Variants in TG observed in about 807,000 individuals in gnomAD.
TG encodes thyroid hormones.
Under a neutral mutation model 324.7 loss-of-function variants are expected in TG, and 270 were observed. That is an observed-to-expected ratio of 0.83 (90% CI 0.75 to 0.92). The LOEUF (loss-of-function observed/expected upper bound fraction) is 0.92, where lower values mean the gene tolerates loss of function less well. Among genes scored for constraint, TG ranks in the 40% least tolerant of loss-of-function variants. TG has a pLI of 0.00. For missense variants in TG, 3,591 were observed against 3,456.4 expected (o/e 1.04, Z -0.98); for synonymous variants, 1,401 against 1,327.0 (o/e 1.06, Z -1.21).
intron 43 of TG, among the ~76,000 whole-genome samples, chr8:133,108,245 C>T (rs1849989185): frequency 6.6e-6 from 1 of 151,964 alleles, no homozygotes; most frequent in Non-Finnish European, 1.5e-5. Context: ...CTCAGCCTCC[C>T]AAAGTGCTAG....
intron 35 of TG, among the ~76,000 whole-genome samples, chr8:132,986,369 AGTATATATATG>A (rs1167124546): frequency 8.0e-5 from 8 of 99,672 alleles, no homozygotes; most frequent in African/African-American, 2.4e-4. Context: ...GTGTATATAT[AGTATATATATG>A]TGTGTATATA....
At chr8:133,086,617 T>C (rs1846604839) in intron 41 of TG, among the ~76,000 whole-genome samples, 1 of 152,246 alleles carries the variant, frequency 6.6e-6, no homozygotes, top group African/African-American at 2.4e-5. Flanking sequence ...GATATGTGAA[T>C]AGATTTAGTT....
At chr8:133,069,891 C>T (rs901680018) in intron 41 of TG, among the ~76,000 whole-genome samples, 2 of 149,824 alleles carry the variant, frequency 1.3e-5, no homozygotes, top group African/African-American at 2.5e-5. Flanking sequence ...ATCCCAGCTA[C>T]TTGGGAGGCT....
At position 132,888,146 on chromosome 8, in the gene TG, A is replaced by C; in HGVS notation, c.2339A>C (p.Gln780Pro). The C allele has an allele frequency of 6.2e-7, 1 of 1,614,132 alleles. No individual in the cohort carries two copies. The highest frequency in any genetic ancestry group is 8.5e-7 in the Non-Finnish European group (1 of 1,180,002). The change falls in exon 10 of 48, where the codon CAG (glutamine) becomes CCG (proline). Residue 780 changes from glutamine to proline, a missense_variant. Gln to Pro is a moderately conservative substitution (Grantham distance 76). Transcript: ENST00000220616. ...RQVQCNGPPE[Q>P]VFELYQRWEA... is the part of the protein sequence containing the mutation. Reference sequence around the variant, plus strand: ...GTGCAATGCAATGGGCCTCCTGAGCAGGTCTTCGAGTTGTACCAACGATGG... The same window carrying C: ...GTGCAATGCAATGGGCCTCCTGAGCCGGTCTTCGAGTTGTACCAACGATGG...
chr8:132,966,507 C>T (rs974166382), intron 29 of TG, 53 bp from the exon 30 acceptor site: 28 of 1,607,514 alleles, frequency 1.7e-5, no homozygotes, highest in Non-Finnish European at 2.4e-5. Flanking sequence ...GTGTTTTTCT[C>T]ATATTCACTA....
At chr8:132,918,720 C>T (rs2132442393) in intron 20 of TG, among the ~76,000 whole-genome samples, 1 of 152,304 alleles carries the variant, frequency 6.6e-6, no homozygotes, top group Non-Finnish European at 1.5e-5. Context: ...CGTCCTTAAC[C>T]TTGAACCTCA....
At chr8:132,994,557 A>G (rs1333342298) in intron 35 of TG, among the ~76,000 whole-genome samples, 1 of 152,164 alleles carries the variant, frequency 6.6e-6, no homozygotes, top group Non-Finnish European at 1.5e-5. Context: ...AAAAAGAGTG[A>G]TAGTATGTTA....
In TG at chr8:132,935,614, A is replaced by G. The variant is rs2739062; in HGVS notation, c.4933-142A>G. ...CCTGGCTGCAAGTTACTGCTTACAC[A>G]TCTGTCTCCTCCAATAGACCAGGAG... On this transcript the variant is annotated intron_variant, in intron 24 of 47. Coordinates refer to ENST00000220616, the MANE Select transcript of TG (RefSeq NM_003235.5). 0.99 allele frequency: 722,740 copies of G among 727,566 alleles called. 358,994 individuals are homozygous for G. The highest frequency in any genetic ancestry group is 1 in the East Asian group (37,107 of 37,108). The allele number at this position is 727,566 out of a possible 1,614,324, so 45.1% of individuals were successfully genotyped here.
At chr8:132,880,937 A>G (rs1276123558) in intron 5 of TG, among the ~76,000 whole-genome samples, 1 of 152,232 alleles carries the variant, frequency 6.6e-6, no homozygotes, top group African/African-American at 2.4e-5. Context: ...ATATTTTGCT[A>G]GAATAGATTG....
At chr8:132,979,380 A>G (rs1276786004) in intron 34 of TG, among the ~76,000 whole-genome samples, 1 of 152,222 alleles carries the variant, frequency 6.6e-6, no homozygotes, top group African/African-American at 2.4e-5. Context: ...GTCTTCTGCT[A>G]AGCAAATGTT....
intron 41 of TG, among the ~76,000 whole-genome samples, chr8:133,064,351 A>G (rs1210106190): frequency 6.6e-6 from 1 of 152,258 alleles, no homozygotes; most frequent in East Asian, 1.9e-4. Context: ...TTTGTGTGCT[A>G]CAGGATCAAG....
chr8:133,063,819 T>G (rs1433564067), intron 41 of TG: 1 of 152,180 alleles, frequency 6.6e-6, no homozygotes, highest in Non-Finnish European at 1.5e-5. Context: ...GGAGTTAACT[T>G]ATCTGAAAGA....
chr8:133,079,915 C>G (rs17624784), intron 41 of TG, among the ~76,000 whole-genome samples: 25,038 of 151,642 alleles, frequency 0.17, 2,388 homozygotes, highest in East Asian at 0.21. Context: ...GATAGAAGTT[C>G]TCGAGAGTAA....
At position 132,998,145 on chromosome 8, in the gene TG, C is replaced by T. The variant is rs559307890; in HGVS notation, c.6263-13756C>T. ...GAAGGACTGACTTCCAATGGACACCCTTCTTCTGTATTAGGAGAAATCAAG... is the reference window on the plus strand; with the variant it reads ...GAAGGACTGACTTCCAATGGACACCTTTCTTCTGTATTAGGAGAAATCAAG... On this transcript the variant is annotated intron_variant, in intron 35 of 47. Transcript: ENST00000220616. Among the ~76,000 whole-genome samples the T allele has an allele frequency of 6.4e-4, 97 of 152,172 alleles. 1 individual carries two copies. The South Asian group carries it at 0.019, about 30-fold the overall frequency.
chr8:133,048,731 G>A lies in TG; in HGVS notation c.7239+18708G>A, dbSNP rs75659150. On this transcript the variant is annotated intron_variant, in intron 41 of 47. Coordinates refer to ENST00000220616, the MANE Select transcript of TG (RefSeq NM_003235.5). ...AGCAGCTGATGTAGGAGAGTCACGTGACTCCCATCTCTTTCAGAACGTGAC... is the reference window on the plus strand; with the variant it reads ...AGCAGCTGATGTAGGAGAGTCACGTAACTCCCATCTCTTTCAGAACGTGAC... 4.2e-3 allele frequency: 665 copies of A among 158,992 alleles called. 7 individuals are homozygous for A. The highest frequency in any genetic ancestry group is 0.015 in the African/African-American group (634 of 41,676). 9.8% of individuals were successfully genotyped at this position (158,992 alleles called of 1,614,324 possible).
intron 35 of TG, among the ~76,000 whole-genome samples, chr8:132,988,016 A>C (rs1831794752): frequency 6.7e-6 from 1 of 150,062 alleles, no homozygotes; most frequent in Non-Finnish European, 1.5e-5. Flanking sequence ...GGGGAGCAGA[A>C]TTCTTTCTTT....
chr8:133,113,922 C>G (rs1850481049), intron 44 of TG, among the ~76,000 whole-genome samples: 1 of 152,246 alleles, frequency 6.6e-6, no homozygotes, highest in Non-Finnish European at 1.5e-5. Context: ...GTGCACGCTC[C>G]ACCTGAAGCA....
intron 35 of TG, among the ~76,000 whole-genome samples, chr8:133,005,375 C>T (rs983551395): frequency 6.6e-6 from 1 of 152,110 alleles, no homozygotes; most frequent in African/African-American, 2.4e-5. Flanking sequence ...AGTTTGGGCT[C>T]CTGTGCCCCT....
chr8:132,959,627 A>C (rs932535489), intron 27 of TG, among the ~76,000 whole-genome samples: 1 of 152,226 alleles, frequency 6.6e-6, no homozygotes, highest in African/African-American at 2.4e-5. Flanking sequence ...TAAGAGATGC[A>C]TGGCTGTATA....
Sources: gnomAD v4.1 joint callset for allele counts (sites outside exome capture counted in the v4.1 genomes callset) on GRCh38, gnomAD v4.1.1 for gene constraint, MANE v1.5 for transcripts, NCBI Gene and HGNC (gene_info 2026-07-23, HGNC 2026-07-21) for gene names.